Variants in LRCH3 observed in about 807,000 individuals in gnomAD.
LRCH3 encodes leucine rich repeats and calponin homology domain containing 3.
Under a neutral mutation model 104.5 loss-of-function variants are expected in LRCH3, and 68 were observed. The ratio of observed to expected loss-of-function variants is 0.65; its 90% CI spans 0.54 to 0.80. The LOEUF (loss-of-function observed/expected upper bound fraction) is 0.80, where lower values mean the gene tolerates loss of function less well. Ranked by LOEUF, LRCH3 falls within the 30% of genes least tolerant of loss-of-function variation. The pLI, the probability that LRCH3 is intolerant of heterozygous loss-of-function variation, is 0.00. For synonymous variants in LRCH3, 344 were observed against 361.3 expected (o/e 0.95, Z 0.54); for missense variants, 951 against 953.9 (o/e 1.00, Z 0.04).
At chr3:197,827,080 T>G (rs1735292430) in intron 5 of LRCH3, 66 bp downstream of exon 5, 6 of 1,592,018 alleles carry the variant, frequency 3.8e-6, no homozygotes, top group Non-Finnish European at 5.1e-6. Context: ...GGTGGAAGCA[T>G]CTGGTGAACC....
chr3:197,875,724 G>A lies in LRCH3; in HGVS notation c.2157G>A (p.Arg719=). 6.5e-7 allele frequency: 1 copy of A among 1,534,830 alleles called. No homozygotes were observed. The highest frequency in any genetic ancestry group is 8.7e-7 in the Non-Finnish European group (1 of 1,146,652). The change falls in exon 20 of 21, where the codon AGG becomes AGA. Residue 719 remains arginine, a synonymous_variant. Transcript: ENST00000425562. Reference sequence around the variant, plus strand: ...CTAAATTAACAATGGCGAAATGCAGGCGAAATGTGGAAAATTTCCTAGAAG... The same window carrying A: ...CTAAATTAACAATGGCGAAATGCAGACGAAATGTGGAAAATTTCCTAGAAG... ...AVPKLTMAKC[R]RNVENFLEAC... is the part of the protein sequence containing the mutation.
In LRCH3 at chr3:197,829,630, G is replaced by T; in HGVS notation, c.844G>T (p.Asp282Tyr). 1 of 1,613,516 alleles carries T rather than the reference G, an allele frequency of 6.2e-7. No individual in the cohort carries two copies. The highest frequency in any genetic ancestry group is 8.5e-7 in the Non-Finnish European group (1 of 1,179,912). Residue 282 changes from aspartate (D) to tyrosine (Y), a missense_variant, in exon 6 of 21, where the codon GAT becomes TAT. Asp to Tyr is a radical substitution (Grantham distance 160). Coordinates refer to ENST00000425562, the MANE Select transcript of LRCH3 (RefSeq NM_001365715.1). ...CATACAAGCTTGTAAGATTGCTCCAGATCTGCCGGATTATGATAGGAGACC... is the reference window on the plus strand; with the variant it reads ...CATACAAGCTTGTAAGATTGCTCCATATCTGCCGGATTATGATAGGAGACC... ...LNIQACKIAPDLPDYDRRPLG... is the reference protein window; with the variant it reads ...LNIQACKIAPYLPDYDRRPLG...
intron 3 of LRCH3, among the ~76,000 whole-genome samples, chr3:197,818,143 A>G (rs1303841865): frequency 2.0e-5 from 3 of 152,092 alleles, no homozygotes; most frequent in Non-Finnish European, 4.4e-5. Flanking sequence ...ATTTTCTAAG[A>G]CACTTAATTG....
intron 7 of LRCH3, among the ~76,000 whole-genome samples, chr3:197,831,720 C>G (rs1039237866): frequency 1.3e-5 from 2 of 151,606 alleles, no homozygotes; most frequent in African/African-American, 4.9e-5. Context: ...ATGGCTCAAG[C>G]AGTCCTCCCA....
At chr3:197,837,187 C>A (rs920927694) in intron 9 of LRCH3, among the ~76,000 whole-genome samples, 1 of 152,134 alleles carries the variant, frequency 6.6e-6, no homozygotes, top group African/African-American at 2.4e-5. Context: ...GGGCAACTAA[C>A]TATTTTGCAA....
intron 5 of LRCH3, among the ~76,000 whole-genome samples, chr3:197,827,699 TTTAG>T (rs1202662561): frequency 2.0e-5 from 3 of 152,166 alleles, no homozygotes; most frequent in African/African-American, 7.2e-5. Flanking sequence ...CTAATAAAAT[TTTAG>T]TTAATTTCTT....
intron 12 of LRCH3, chr3:197,852,350 A>G (rs1435177270): frequency 1.7e-5 from 9 of 524,808 alleles, no homozygotes; most frequent in Admixed American, 6.4e-5. Context: ...TAAGAGGTCA[A>G]TATTCTGATT....
At chr3:197,813,510 ATTTTTTTTTTTTTTTTTTTTTTTTT>A (rs57062885) in intron 1 of LRCH3, among the ~76,000 whole-genome samples, 19 of 66,032 alleles carry the variant, frequency 2.9e-4, no homozygotes, top group Non-Finnish European at 5.7e-4. Flanking sequence ...GAGGCATATA[ATTTTTTTTTTTTTTTTTTTTTTTTT>A]TTTTTTTTTT....
chr3:197,883,029 TCA>T lies in LRCH3; in HGVS notation c.2209-509_2209-508del, dbSNP rs1713921494. 1.5e-5 allele frequency: 15 copies of T among 985,352 alleles called. No homozygotes were observed. The highest frequency in any genetic ancestry group is 1.8e-5 in the Non-Finnish European group (15 of 829,938). The allele number at this position is 985,352 out of a possible 1,614,324, so 61.0% of individuals were successfully genotyped here. On this transcript the variant is annotated intron_variant, in intron 20 of 20. Transcript: ENST00000425562. The surrounding 1 kb of genome is among the most constrained non-coding windows in gnomAD (Gnocchi z 4.2). The stretch of plus-strand genomic sequence containing the variant: ...CTATCTGGTCTGGAAACCCTGGTTT[TCA>T]CAGTCAGGATTATAATGCAGATAGC...
At chr3:197,832,083 T>A in intron 7 of LRCH3, 114 bp from the exon 8 acceptor site, 1 of 1,053,772 alleles carries the variant, frequency 9.5e-7, no homozygotes. Flanking sequence ...CTAGCTAATT[T>A]ACTCCTGGCC....
intron 1 of LRCH3, among the ~76,000 whole-genome samples, chr3:197,803,413 CG>C (rs1293576782): frequency 6.6e-6 from 1 of 152,128 alleles, no homozygotes; most frequent in Non-Finnish European, 1.5e-5. Context: ...TCAGGAGATC[CG>C]GGGTGGAGTC....
At position 197,854,243 on chromosome 3, in the gene LRCH3, TC is replaced by T. The variant is rs1739984526; in HGVS notation, c.1591-147del. 1.4e-6 allele frequency: 1 copy of T among 711,146 alleles called. No homozygotes were observed. Among genetic ancestry groups the T allele is most frequent in the African/African-American group, 1.8e-5 (1 of 56,998 alleles). 44.1% of individuals were successfully genotyped at this position (711,146 alleles called of 1,614,324 possible). Reference sequence around the variant, plus strand: ...TTACTGACTATTATAATGCATGAATTCCAGATGATTGTGAATGTGGTCCTCT... The same window carrying T: ...TTACTGACTATTATAATGCATGAATTCAGATGATTGTGAATGTGGTCCTCT... On this transcript the variant is annotated intron_variant, in intron 13 of 20. Coordinates refer to ENST00000425562, the MANE Select transcript of LRCH3 (RefSeq NM_001365715.1). The surrounding 1 kb of genome is among the most constrained non-coding windows in gnomAD (Gnocchi z 4.5).
chr3:197,802,758 T>C (rs1027754107), intron 1 of LRCH3, among the ~76,000 whole-genome samples: 3 of 152,222 alleles, frequency 2.0e-5, no homozygotes, highest in Non-Finnish European at 4.4e-5. Flanking sequence ...TTCTGAGTTA[T>C]CCAGTTTGTT....
chr3:197,870,094 G>T, intron 17 of LRCH3, 66 bp from the exon 18 acceptor site: 1 of 1,543,442 alleles, frequency 6.5e-7, no homozygotes, highest in Non-Finnish European at 8.9e-7. Flanking sequence ...CTGTGATGAG[G>T]CAGAGCCGGA....
rs3085302 is a variant in LRCH3 at position 197,797,327 on chromosome 3, C to CAAAAA, written c.262+5803_262+5807dup. On this transcript the variant is annotated intron_variant, in intron 1 of 20. Coordinates refer to ENST00000425562, the MANE Select transcript of LRCH3 (RefSeq NM_001365715.1). ...CTGGGCAACGAGCAAAACTCCATCTCAAAAAAAAAAAAAAAAAAAAGATGT... is the reference window on the plus strand; with the variant it reads ...CTGGGCAACGAGCAAAACTCCATCTCAAAAAAAAAAAAAAAAAAAAAAAAAGATGT... Among the ~76,000 whole-genome samples, 223 of 69,802 alleles carry CAAAAA rather than the reference C, an allele frequency of 3.2e-3. 2 individuals carry two copies. The highest frequency in any genetic ancestry group is 3.6e-3 in the East Asian group (7 of 1,940). 45.8% of individuals were successfully genotyped at this position (69,802 alleles called of 152,430 possible).
chr3:197,824,668 G>A (rs1038307786), intron 4 of LRCH3, among the ~76,000 whole-genome samples: 1 of 150,460 alleles, frequency 6.6e-6, no homozygotes, highest in Admixed American at 6.7e-5. Flanking sequence ...CCCGTCCCGG[G>A]TTCAAGTGAT....
At position 197,832,305 on chromosome 3, in the gene LRCH3, A is replaced by T. The variant is rs776458937; in HGVS notation, c.1090A>T (p.Thr364Ser). Residue 364 changes from threonine to serine, a missense_variant, in exon 8 of 21, where the codon ACA becomes TCA. Thr to Ser is a moderately conservative substitution (Grantham distance 58, BLOSUM62 1). Coordinates refer to ENST00000425562, the MANE Select transcript of LRCH3 (RefSeq NM_001365715.1). ...YQENRGSLVV[T>S]NGGVEHDLDQ... The stretch of plus-strand genomic sequence containing the variant: ...AGAGAACCGCGGCAGTTTGGTAGTA[A>T]CAAACGGCGGAGGTAAACATAATTC... The T allele has an allele frequency of 2.5e-6, 4 of 1,613,626 alleles. No homozygotes were observed. The African/African-American group carries it at 4.0e-5, about 16-fold the overall frequency.
At chr3:197,875,581 G>A in intron 19 of LRCH3, 117 bp from the exon 20 acceptor site, 1 of 669,492 alleles carries the variant, frequency 1.5e-6, no homozygotes, top group South Asian at 1.9e-5. Flanking sequence ...CTGAGCCTGG[G>A]AGGTCAATGA....
chr3:197,871,532 C>A (rs1712192603), intron 19 of LRCH3, 70 bp downstream of exon 19: 1 of 1,588,634 alleles, frequency 6.3e-7, no homozygotes, highest in Non-Finnish European at 8.6e-7. Context: ...ACAGACATTT[C>A]TTAAGCATTG....
Sources: allele counts gnomAD v4.1 joint callset (sites outside exome capture counted in the v4.1 genomes callset), GRCh38; gene constraint gnomAD v4.1.1; non-coding constraint Gnocchi (gnomAD v3.1); transcripts MANE v1.5; gene names NCBI Gene and HGNC (gene_info 2026-07-23, HGNC 2026-07-21).